The following RMC1 variants were observed in gnomAD, a reference collection of about 807,000 sequenced individuals.
The protein encoded by RMC1 is regulator of MON1-CCZ1 complex.
A neutral mutation model predicts 95.5 loss-of-function variants in RMC1; 44 were observed. That is an observed-to-expected ratio of 0.46 (90% confidence interval 0.36 to 0.59). RMC1 has a LOEUF of 0.59. Among genes scored for constraint, RMC1 ranks in the 20% least tolerant of loss-of-function variants. The pLI, the probability that RMC1 is intolerant of heterozygous loss-of-function variation, is 0.00. For missense variants in RMC1, 705 were observed against 819.6 expected (o/e 0.86, Z 1.71); for synonymous variants, 320 against 303.6 (o/e 1.05, Z -0.56).
In RMC1 at chr18:23,503,601, G is replaced by C; in HGVS notation, c.-18G>C. On this transcript the variant is annotated 5_prime_UTR_variant, in exon 1 of 20. Coordinates refer to ENST00000269221, the MANE Select transcript of RMC1 (RefSeq NM_013326.5). The stretch of plus-strand genomic sequence containing the variant: ...GGCGACCGCCCCCGGGGCCCCCGCC[G>C]CGGGCGCGGCGCCCGCCATGGGCGA... 1 of 1,538,966 alleles carries C rather than the reference G, an allele frequency of 6.5e-7. No individual in the cohort carries two copies. Among genetic ancestry groups the C allele is most frequent in the Non-Finnish European group, 8.8e-7 (1 of 1,142,790 alleles).
chr18:23,504,721 A>G, intron 2 of RMC1: 1 of 319,488 alleles, frequency 3.1e-6, no homozygotes, highest in Non-Finnish European at 6.0e-6. Flanking sequence ...AGTCAGCGTG[A>G]TGATGTGCCC....
chr18:23,531,769 T>C lies in RMC1; in HGVS notation c.*65T>C. ...TTAATTTATTGCATTAATAAAGCTC[T>C]TTAAACTATAAAATGTTATAAAGTG... On this transcript the variant is annotated 3_prime_UTR_variant, in exon 20 of 20. Coordinates refer to ENST00000269221, the MANE Select transcript of RMC1 (RefSeq NM_013326.5). 6.3e-7 allele frequency: 1 copy of C among 1,576,908 alleles called. No homozygotes were observed. The highest frequency in any genetic ancestry group is 1.2e-5 in the South Asian group (1 of 84,912).
At chr18:23,508,658 G>C (rs947791932) in intron 4 of RMC1, 1 of 152,278 alleles carries the variant, frequency 6.6e-6, no homozygotes, top group East Asian at 1.9e-4. Context: ...AGTTCAGGGC[G>C]GACTCTTTGG....
At chr18:23,521,211 T>A (rs1397235380) in intron 10 of RMC1, among the ~76,000 whole-genome samples, 1 of 152,208 alleles carries the variant, frequency 6.6e-6, no homozygotes, top group Non-Finnish European at 1.5e-5. Flanking sequence ...AAAATTATGT[T>A]GTGAAAAAAG....
Position 23,530,596 on chromosome 18 carries a change from C to T in RMC1, c.1878C>T (p.Ser626=), listed in dbSNP as rs748229665. 35 of 1,613,484 alleles carry T rather than the reference C, an allele frequency of 2.2e-5. No homozygotes were observed. Among genetic ancestry groups the T allele is most frequent in the Non-Finnish European group, 2.9e-5 (34 of 1,179,668 alleles). ...FEQRNQRLRG[S]PNFTPGEHCE... ...AGCGAAACCAGCGTTTGCGAGGGAGCCCCAATTTCACACCAGGTGAGAATG... is the reference window on the plus strand; with the variant it reads ...AGCGAAACCAGCGTTTGCGAGGGAGTCCCAATTTCACACCAGGTGAGAATG... Residue 626 remains serine (S), a synonymous_variant, in exon 19 of 20, where the codon AGC becomes AGT. Coordinates refer to ENST00000269221, the MANE Select transcript of RMC1 (RefSeq NM_013326.5).
chr18:23,523,633 G>A (rs1368703372), intron 10 of RMC1, among the ~76,000 whole-genome samples: 1 of 151,796 alleles, frequency 6.6e-6, no homozygotes, highest in African/African-American at 2.4e-5. Flanking sequence ...TGAGGCAGGA[G>A]GACCACTTGA....
intron 5 of RMC1, among the ~76,000 whole-genome samples, chr18:23,512,417 T>A (rs2057886456): frequency 6.6e-6 from 1 of 152,044 alleles, no homozygotes; most frequent in Non-Finnish European, 1.5e-5. Flanking sequence ...CCTCTTAAAA[T>A]TTTTTTATTT....
rs1344649107 is a variant in RMC1, at chr18:23,506,579, A to C, written c.180-391A>C. ...GGTCATGAGACACTGTAGTGGAGCC[A>C]TCTGGGTTGCATAATGAATGTGCTG... On this transcript the variant is annotated intron_variant, in intron 2 of 19. Transcript: ENST00000269221. 1.4e-5 allele frequency: 3 copies of C among 215,238 alleles called. No homozygotes were observed. The Admixed American group carries it at 1.7e-4, about 12-fold the overall frequency. The allele number at this position is 215,238 out of a possible 1,614,324, so 13.3% of individuals were successfully genotyped here.
chr18:23,505,056 A>T (rs1253347873), intron 2 of RMC1, among the ~76,000 whole-genome samples: 1 of 152,006 alleles, frequency 6.6e-6, no homozygotes, highest in Non-Finnish European at 1.5e-5. Context: ...GTCTGTGTTA[A>T]TGAGAAACTG....
intron 10 of RMC1, among the ~76,000 whole-genome samples, chr18:23,521,457 A>G (rs976379642): frequency 2.6e-5 from 4 of 152,208 alleles, no homozygotes; most frequent in African/African-American, 9.7e-5. Context: ...TGTGACAGTG[A>G]TGATGAATAT....
intron 4 of RMC1, 45 bp from the exon 5 acceptor site, chr18:23,509,148 G>A: frequency 1.3e-6 from 1 of 762,112 alleles, no homozygotes; most frequent in South Asian, 3.8e-5. Context: ...AGTTATATGT[G>A]TTTTTTCTTA....
intron 2 of RMC1, among the ~76,000 whole-genome samples, chr18:23,505,188 G>C (rs1465076971): frequency 1.3e-5 from 2 of 152,166 alleles, no homozygotes; most frequent in South Asian, 2.1e-4. Context: ...TTCCCAAGTA[G>C]CTGGGATTAG....
intron 19 of RMC1, among the ~76,000 whole-genome samples, chr18:23,530,857 T>TCAGG: frequency 6.6e-6 from 1 of 152,276 alleles, no homozygotes; most frequent in South Asian, 2.1e-4. Flanking sequence ...AGGACCCAGA[T>TCAGG]CAGGCACAGC....
chr18:23,512,599 C>CTT (rs761104196), intron 5 of RMC1, among the ~76,000 whole-genome samples: 6 of 141,886 alleles, frequency 4.2e-5, no homozygotes, highest in Non-Finnish European at 7.8e-5. Context: ...TTTTTTTTTC[C>CTT]TTTTTTTTTT....
chr18:23,515,848 T>G lies in RMC1; in HGVS notation c.409-8T>G. On this transcript the variant is annotated splice_polypyrimidine_tract_variant and splice_region_variant and intron_variant, in intron 5 of 19. Transcript: ENST00000269221. ...AATGAAGATCCTGTTTCTTAAACTC[T>G]GCTTCAGGTATTACCAGAGAAACGG... 1 of 1,614,108 alleles carries G rather than the reference T, an allele frequency of 6.2e-7. No individual in the cohort carries two copies. The highest frequency in any genetic ancestry group is 1.7e-4 in the Middle Eastern group (1 of 6,060).
At position 23,512,864 on chromosome 18, in the gene RMC1, C is replaced by A. The variant is rs146485581; in HGVS notation, c.409-2992C>A. ...GAAATAGCTCCAGAACTTTTTTCAT[C>A]TTGTGAAACCAAAACTATCCAGTAA... On this transcript the variant is annotated intron_variant, in intron 5 of 19. Transcript: ENST00000269221. Among the ~76,000 whole-genome samples the A allele has an allele frequency of 5.2e-3, 787 of 152,242 alleles. 7 individuals carry two copies. Among genetic ancestry groups the A allele is most frequent in the African/African-American group, 0.018 (761 of 41,534 alleles).
chr18:23,513,046 T>A (rs1324021546), intron 5 of RMC1, among the ~76,000 whole-genome samples: 2 of 152,146 alleles, frequency 1.3e-5, no homozygotes, highest in African/African-American at 4.8e-5. Flanking sequence ...CTCTGTCTCC[T>A]GGGTTCAGGC....
In RMC1 at chr18:23,527,894, A is replaced by T; in HGVS notation, c.1289A>T (p.Tyr430Phe). ...YKKYLDAEQS[Y>F]AMAVEAGQSR... Reference sequence around the variant, plus strand: ...AAGTACCTGGATGCCGAGCAGAGTTATGCGATGGTGAGTTACATGGAGTAT... The same window carrying T: ...AAGTACCTGGATGCCGAGCAGAGTTTTGCGATGGTGAGTTACATGGAGTAT... The change falls in exon 14 of 20, where the codon TAT (tyrosine) becomes TTT (phenylalanine). Residue 430 changes from tyrosine to phenylalanine, a missense_variant. Transcript: ENST00000269221. The T allele has an allele frequency of 6.2e-7, 1 of 1,613,496 alleles. No homozygotes were observed. Among genetic ancestry groups the T allele is most frequent in the Non-Finnish European group, 8.5e-7 (1 of 1,179,602 alleles).
chr18:23,518,207 A>C (rs1357100891), intron 7 of RMC1, among the ~76,000 whole-genome samples: 1 of 152,168 alleles, frequency 6.6e-6, no homozygotes, highest in Non-Finnish European at 1.5e-5. Context: ...TAAATAGAAA[A>C]GGCTGAGCAT....
Sources: allele counts gnomAD v4.1 joint callset (sites outside exome capture counted in the v4.1 genomes callset), GRCh38; gene constraint gnomAD v4.1.1; transcripts MANE v1.5; gene names NCBI Gene and HGNC (gene_info 2026-07-23, HGNC 2026-07-21).